The following IQCM variants were observed in gnomAD, a reference collection of about 807,000 sequenced individuals.
IQCM encodes the protein IQ domain-containing protein M.
A neutral mutation model predicts 57.6 loss-of-function variants in IQCM; 45 were observed. That is an observed-to-expected ratio of 0.78 (90% CI 0.62 to 1.00). IQCM has a LOEUF of 1.00. Among genes scored for constraint, IQCM ranks in the 50% least tolerant of loss-of-function variants. The pLI is 0.00. For synonymous variants in IQCM, 148 were observed against 158.9 expected, an observed-to-expected ratio of 0.93 and a Z score of 0.51; for missense variants, 468 against 511.6, an observed-to-expected ratio of 0.91 and a Z score of 0.82.
chr4:149,604,968 C>T (rs1754645856), intron 8 of IQCM, among the ~76,000 whole-genome samples: 1 of 152,146 alleles, frequency 6.6e-6, no homozygotes, highest in Non-Finnish European at 1.5e-5. Flanking sequence ...TTTTCATTCT[C>T]CCATCCAGGT....
At chr4:149,779,772 A>G (rs1333219882) in intron 2 of IQCM, among the ~76,000 whole-genome samples, 2 of 152,186 alleles carry the variant, frequency 1.3e-5, no homozygotes, top group Non-Finnish European at 2.9e-5. Context: ...TGAATATCCC[A>G]TAAATATGTT....
chr4:149,634,199 G>A (rs990930971), intron 7 of IQCM, among the ~76,000 whole-genome samples: 3 of 151,870 alleles, frequency 2.0e-5, no homozygotes, highest in Non-Finnish European at 2.9e-5. Context: ...TAGTAGAGAC[G>A]GGGTTTCACC....
intron 12 of IQCM, among the ~76,000 whole-genome samples, chr4:149,514,260 G>C (rs185878264): frequency 6.6e-6 from 1 of 152,110 alleles, no homozygotes; most frequent in Non-Finnish European, 1.5e-5. Context: ...TCTTAATCAC[G>C]TGAAAATTTG....
intron 13 of IQCM, among the ~76,000 whole-genome samples, chr4:149,361,075 G>A (rs1729446505): frequency 6.6e-6 from 1 of 152,166 alleles, no homozygotes; most frequent in African/African-American, 2.4e-5. Flanking sequence ...GAGTAAAGGT[G>A]ACTCTTGTTA....
At chr4:149,481,716 T>TTTTTTTTTTTTTTTTG (rs1740897023) in intron 12 of IQCM, among the ~76,000 whole-genome samples, 1 of 138,584 alleles carries the variant, frequency 7.2e-6, no homozygotes, top group Non-Finnish European at 1.6e-5. Context: ...TTTTTTTTTT[T>TTTTTTTTTTTTTTTTG]TTTTTTGCTT....
chr4:149,779,601 A>G (rs1336593361), intron 2 of IQCM, among the ~76,000 whole-genome samples: 1 of 152,202 alleles, frequency 6.6e-6, no homozygotes, highest in Non-Finnish European at 1.5e-5. Context: ...CAAAATGAAT[A>G]ATGGACTAAA....
chr4:149,420,313 C>T (rs1006213298), intron 13 of IQCM, among the ~76,000 whole-genome samples: 2 of 151,944 alleles, frequency 1.3e-5, no homozygotes, highest in African/African-American at 4.8e-5. Flanking sequence ...TATGCAGCCA[C>T]AAAAAGAAAC....
intron 5 of IQCM, among the ~76,000 whole-genome samples, chr4:149,726,147 A>AG (rs1765924243): frequency 1.3e-5 from 2 of 151,682 alleles, no homozygotes. Context: ...AAGAAAAGAA[A>AG]GAAAGAAAGA....
chr4:149,699,855 G>A (rs1763634056), intron 5 of IQCM, among the ~76,000 whole-genome samples: 1 of 151,848 alleles, frequency 6.6e-6, no homozygotes, highest in African/African-American at 2.4e-5. Context: ...GATTGGGTGT[G>A]TTTGCATTTA....
intron 5 of IQCM, among the ~76,000 whole-genome samples, chr4:149,705,808 T>C (rs937970593): frequency 2.0e-5 from 3 of 151,932 alleles, no homozygotes; most frequent in Admixed American, 6.6e-5. Flanking sequence ...CACCAATACT[T>C]TCTGTTCTTT....
chr4:149,358,031 G>A (rs35437307), intron 13 of IQCM, among the ~76,000 whole-genome samples: 43,618 of 152,000 alleles, frequency 0.29, 7,629 homozygotes, highest in East Asian at 0.41. Flanking sequence ...GTTTATTTGC[G>A]TAGAGATGTT....
chr4:149,597,757 A>C (rs1753914261), intron 8 of IQCM, among the ~76,000 whole-genome samples: 1 of 152,194 alleles, frequency 6.6e-6, no homozygotes, highest in African/African-American at 2.4e-5. Context: ...GTATTTGAAA[A>C]TATAATGGCA....
intron 12 of IQCM, among the ~76,000 whole-genome samples, chr4:149,486,027 C>G (rs1352230532): frequency 3.8e-5 from 5 of 132,030 alleles, no homozygotes; most frequent in Non-Finnish European, 6.0e-5. Flanking sequence ...GTCTCTCTCT[C>G]TCTCTCTCTC....
At chr4:149,561,472 C>T (rs1750115662) in intron 10 of IQCM, among the ~76,000 whole-genome samples, 2 of 152,088 alleles carry the variant, frequency 1.3e-5, no homozygotes, top group Non-Finnish European at 2.9e-5. Context: ...TCAATTCATC[C>T]ACTCAATAGG....
chr4:149,723,061 C>T (rs1765586349), intron 5 of IQCM, among the ~76,000 whole-genome samples: 1 of 151,866 alleles, frequency 6.6e-6, no homozygotes. Flanking sequence ...GTAAAAGGGA[C>T]TGAGTTCTTT....
chr4:149,764,216 G>T (rs1037577322), intron 2 of IQCM, among the ~76,000 whole-genome samples: 1 of 152,102 alleles, frequency 6.6e-6, no homozygotes, highest in Non-Finnish European at 1.5e-5. Context: ...CACTGGGAGA[G>T]AATCTCTTTG....
At chr4:149,779,902 C>T (rs115485180) in intron 2 of IQCM, among the ~76,000 whole-genome samples, 3,401 of 152,240 alleles carry the variant, frequency 0.022, 65 homozygotes, top group South Asian at 0.035. Flanking sequence ...TAAATTTTTA[C>T]TGCATTTTGC....
chr4:149,593,053 G>A (rs932310563), intron 8 of IQCM, among the ~76,000 whole-genome samples: 1 of 152,092 alleles, frequency 6.6e-6, no homozygotes. Flanking sequence ...TGGGCAGTAT[G>A]GCCATTTTCA....
intron 12 of IQCM, among the ~76,000 whole-genome samples, chr4:149,474,984 A>C (rs1579188729): frequency 6.6e-6 from 1 of 152,272 alleles, no homozygotes; most frequent in Admixed American, 6.5e-5. Flanking sequence ...CAAGGGTTTA[A>C]CAGCCATTGA....
Sources: gnomAD v4.1 joint callset for allele counts (sites outside exome capture counted in the v4.1 genomes callset) on GRCh38, gnomAD v4.1.1 for gene constraint, MANE v1.5 for transcripts, NCBI Gene and HGNC (gene_info 2026-07-23, HGNC 2026-07-21) for gene names.